The following GPC5 variants were observed in gnomAD, a reference collection of about 807,000 sequenced individuals.
The protein encoded by GPC5 is glypican 5.
Under a neutral mutation model 53.9 loss-of-function variants are expected in GPC5, and 47 were observed. The observed-to-expected ratio is 0.87, with a 90% confidence interval of 0.69 to 1.11. The LOEUF (loss-of-function observed/expected upper bound fraction) is 1.11, where lower values mean the gene tolerates loss of function less well. Among genes scored for constraint, GPC5 ranks in the 50% most tolerant of loss-of-function variants. The pLI is 0.00. For synonymous variants in GPC5, 286 were observed against 263.3 expected (o/e 1.09, Z -0.84); for missense variants, 748 against 713.1 (o/e 1.05, Z -0.56).
At chr13:92,178,703 A>G (rs900649631) in intron 7 of GPC5, among the ~76,000 whole-genome samples, 2 of 152,124 alleles carry the variant, frequency 1.3e-5, no homozygotes, top group African/African-American at 4.8e-5. Flanking sequence ...TAGCCTGGGC[A>G]CGGTGGCTCA....
chr13:91,641,232 G>T (rs1259435249), intron 2 of GPC5, among the ~76,000 whole-genome samples: 1 of 152,186 alleles, frequency 6.6e-6, no homozygotes, highest in Non-Finnish European at 1.5e-5. Context: ...GGAGGCTGAG[G>T]CAGGAGAATG....
chr13:92,385,435 T>TAC lies in GPC5; in HGVS notation c.1561+240448_1561+240449dup, dbSNP rs1555331918. On this transcript the variant is annotated intron_variant, in intron 7 of 7. Transcript: ENST00000377067. ...ACATATATATACATATATACATATA[T>TAC]ACATATATACATATATACATATATA... 6.7e-4 allele frequency among the ~76,000 whole-genome samples: 55 copies of TAC among 81,742 alleles called. 2 individuals are homozygous for TAC. The highest frequency in any genetic ancestry group is 2.7e-3 in the East Asian group (7 of 2,548). 53.6% of individuals were successfully genotyped at this position (81,742 alleles called of 152,430 possible).
At chr13:92,499,409 C>T (rs924477056) in intron 7 of GPC5, among the ~76,000 whole-genome samples, 1 of 151,842 alleles carries the variant, frequency 6.6e-6, no homozygotes, top group African/African-American at 2.4e-5. Context: ...CTTTTTTTGC[C>T]TGTTCAATAG....
chr13:91,496,253 G>A (rs1264260804), intron 2 of GPC5, among the ~76,000 whole-genome samples: 1 of 152,030 alleles, frequency 6.6e-6, no homozygotes, highest in African/African-American at 2.4e-5. Flanking sequence ...ACTTGAAATT[G>A]GGTCTTCTGA....
At chr13:92,716,627 T>G (rs1432448416) in intron 7 of GPC5, among the ~76,000 whole-genome samples, 5 of 152,270 alleles carry the variant, frequency 3.3e-5, no homozygotes, top group Non-Finnish European at 7.4e-5. Context: ...CTACAAAACA[T>G]TTTTTATAAA....
At chr13:91,401,288 A>G (rs530138688) in intron 1 of GPC5, among the ~76,000 whole-genome samples, 1 of 151,202 alleles carries the variant, frequency 6.6e-6, no homozygotes, top group Admixed American at 6.5e-5. Context: ...GATTCCTCTC[A>G]TCTCTCTAAA....
intron 7 of GPC5, among the ~76,000 whole-genome samples, chr13:92,582,742 T>A (rs1883410695): frequency 6.6e-6 from 1 of 152,154 alleles, no homozygotes; most frequent in African/African-American, 2.4e-5. Flanking sequence ...TCTTATGTAA[T>A]TTTTTGTAAC....
At chr13:91,770,764 A>G (rs2037610662) in intron 5 of GPC5, among the ~76,000 whole-genome samples, 1 of 149,410 alleles carries the variant, frequency 6.7e-6, no homozygotes, top group South Asian at 2.1e-4. Context: ...TTCTTATTTC[A>G]CACAAGCAAA....
chr13:92,396,934 A>G (rs111610761), intron 7 of GPC5, among the ~76,000 whole-genome samples: 25 of 152,208 alleles, frequency 1.6e-4, no homozygotes, highest in African/African-American at 5.5e-4. Context: ...CCTAGAGAGG[A>G]GGCCTTTGCT....
At chr13:92,109,159 T>C (rs2041536077) in intron 6 of GPC5, among the ~76,000 whole-genome samples, 1 of 145,302 alleles carries the variant, frequency 6.9e-6, no homozygotes. Context: ...CTTGAACTCC[T>C]GGGCTCAGGC....
chr13:91,680,030 T>C (rs893946268), intron 2 of GPC5, among the ~76,000 whole-genome samples: 5 of 152,036 alleles, frequency 3.3e-5, no homozygotes, highest in African/African-American at 7.2e-5. Context: ...ACGAAATGAG[T>C]CTATAGCTTC....
chr13:92,310,582 C>T (rs2043138864), intron 7 of GPC5, among the ~76,000 whole-genome samples: 1 of 152,232 alleles, frequency 6.6e-6, no homozygotes, highest in African/African-American at 2.4e-5. Context: ...TACACACTCC[C>T]GTGAAAGTAG....
Position 92,050,727 on chromosome 13 carries a change from A to G in GPC5, c.1402-94103A>G, listed in dbSNP as rs563708391. 7.9e-5 allele frequency among the ~76,000 whole-genome samples: 12 copies of G among 152,320 alleles called. No homozygotes were observed. In the South Asian group the frequency reaches 2.5e-3, roughly 32 times the overall value. On this transcript the variant is annotated intron_variant, in intron 6 of 7. Transcript: ENST00000377067. ...CTGAAGTGTAAATTTGAGTCTGTAT[A>G]ATAGAATTTGATCACTTCTTCACAA...
chr13:91,513,354 T>TTG (rs139449591), intron 2 of GPC5, among the ~76,000 whole-genome samples: 9,704 of 149,478 alleles, frequency 0.065, 922 homozygotes, highest in African/African-American at 0.21. Flanking sequence ...TTGTTTTCAT[T>TTG]TGTGTGTGTG....
chr13:92,630,798 G>T (rs1410503305), intron 7 of GPC5, among the ~76,000 whole-genome samples: 4 of 152,188 alleles, frequency 2.6e-5, no homozygotes, highest in South Asian at 4.1e-4. Flanking sequence ...CAAAACTGTT[G>T]TTAATGCAGT....
At chr13:91,882,344 A>G (rs2039273279) in intron 5 of GPC5, among the ~76,000 whole-genome samples, 1 of 152,230 alleles carries the variant, frequency 6.6e-6, no homozygotes, top group Non-Finnish European at 1.5e-5. Context: ...ATACATTATA[A>G]TGCTCAAATT....
intron 2 of GPC5, among the ~76,000 whole-genome samples, chr13:91,543,597 C>T (rs1441609976): frequency 6.8e-6 from 1 of 147,532 alleles, no homozygotes; most frequent in Non-Finnish European, 1.5e-5. Flanking sequence ...ACTCTGTCTA[C>T]TTAAGTAGAA....
intron 5 of GPC5, among the ~76,000 whole-genome samples, chr13:91,779,420 G>T (rs1423026478): frequency 6.6e-6 from 1 of 151,924 alleles, no homozygotes; most frequent in Non-Finnish European, 1.5e-5. Flanking sequence ...GAGTGCAGTG[G>T]CGTGGTCTTG....
intron 7 of GPC5, among the ~76,000 whole-genome samples, chr13:92,345,901 G>C (rs531962065): frequency 6.6e-6 from 1 of 152,192 alleles, no homozygotes; most frequent in African/African-American, 2.4e-5. Flanking sequence ...TGGTATTTTT[G>C]TGTTCTTGAC....
Sources: gnomAD v4.1 joint callset for allele counts (sites outside exome capture counted in the v4.1 genomes callset) on GRCh38, gnomAD v4.1.1 for gene constraint, MANE v1.5 for transcripts, NCBI Gene and HGNC (gene_info 2026-07-23, HGNC 2026-07-21) for gene names.